The following FOXO1 variants were observed in gnomAD, a reference collection of about 807,000 sequenced individuals.
The protein encoded by FOXO1 is forkhead box O1, also known as forkhead box protein O1.
A neutral mutation model predicts 44.1 loss-of-function variants in FOXO1; 6 were observed. That is an observed-to-expected ratio of 0.14 (90% CI 0.07 to 0.27). FOXO1 has a LOEUF of 0.27. FOXO1 is among the 10% of genes least tolerant of loss of function. The probability of loss-of-function intolerance (pLI) is 1.00; values close to 1 mark genes in which losing one functional copy is unlikely to be tolerated. For missense variants in FOXO1, 737 were observed against 888.8 expected (o/e 0.83, Z 2.17); for synonymous variants, 380 against 362.7 (o/e 1.05, Z -0.54).
At chr13:40,578,890 A>C (rs1297008564) in intron 1 of FOXO1, among the ~76,000 whole-genome samples, 2 of 152,136 alleles carry the variant, frequency 1.3e-5, no homozygotes, top group African/African-American at 2.4e-5. Flanking sequence ...GCACATACAC[A>C]TTTCTTTGCC....
chr13:40,656,851 G>C (rs1425261897), intron 1 of FOXO1, among the ~76,000 whole-genome samples: 2 of 146,280 alleles, frequency 1.4e-5, no homozygotes, highest in Admixed American at 6.8e-5. Flanking sequence ...TTTTTTTTGA[G>C]ACCGAGTCTC....
intron 1 of FOXO1, among the ~76,000 whole-genome samples, chr13:40,663,282 A>G (rs1051190172): frequency 2.6e-5 from 4 of 152,272 alleles, no homozygotes; most frequent in Admixed American, 6.5e-5. Flanking sequence ...ATGGTTGTAA[A>G]GATGATTTAA....
intron 1 of FOXO1, among the ~76,000 whole-genome samples, chr13:40,651,269 T>C (rs920103943): frequency 6.6e-6 from 1 of 152,082 alleles, no homozygotes; most frequent in African/African-American, 2.4e-5. Flanking sequence ...TTATAAAAAG[T>C]ACGTTCTAGG....
intron 1 of FOXO1, among the ~76,000 whole-genome samples, chr13:40,630,523 C>T (rs1270406638): frequency 6.6e-6 from 1 of 151,900 alleles, no homozygotes; most frequent in East Asian, 1.9e-4. Flanking sequence ...GGTGCAGTGG[C>T]GCGCGCCTGT....
intron 1 of FOXO1, among the ~76,000 whole-genome samples, chr13:40,581,664 T>C (rs184829122): frequency 4.4e-4 from 67 of 152,332 alleles, no homozygotes; most frequent in Non-Finnish European, 7.6e-4. Context: ...ACCCACTTCT[T>C]GCATTTTTTT....
At chr13:40,576,246 G>GA (rs1227183735) in intron 1 of FOXO1, among the ~76,000 whole-genome samples, 1 of 152,116 alleles carries the variant, frequency 6.6e-6, no homozygotes, top group African/African-American at 2.4e-5. Context: ...GAGAGAGAGA[G>GA]GAGGTACGGT....
chr13:40,622,775 T>A (rs1172682876), intron 1 of FOXO1, among the ~76,000 whole-genome samples: 1 of 152,200 alleles, frequency 6.6e-6, no homozygotes, highest in Non-Finnish European at 1.5e-5. Flanking sequence ...TTATCATTAT[T>A]CCTCAGATTC....
chr13:40,654,498 C>T (rs113142813), intron 1 of FOXO1, among the ~76,000 whole-genome samples: 118 of 84,182 alleles, frequency 1.4e-3, no homozygotes, highest in African/African-American at 6.9e-3. Flanking sequence ...GAGACTCTGT[C>T]ACAAAAAAAA....
intron 1 of FOXO1, among the ~76,000 whole-genome samples, chr13:40,598,395 C>A (rs1008104766): frequency 6.6e-6 from 1 of 152,002 alleles, no homozygotes; most frequent in South Asian, 2.1e-4. Flanking sequence ...CCCTAAAATT[C>A]TGATTGAATT....
At chr13:40,632,945 G>T (rs1877017155) in intron 1 of FOXO1, among the ~76,000 whole-genome samples, 1 of 151,070 alleles carries the variant, frequency 6.6e-6, no homozygotes, top group South Asian at 2.1e-4. Context: ...AAAAAAAAGG[G>T]CGAAGGATCT....
In FOXO1 at chr13:40,560,348, G is replaced by A. The variant is rs1279033656; in HGVS notation, c.1143C>T (p.Leu381=). 6.2e-6 allele frequency: 10 copies of A among 1,614,176 alleles called. No individual in the cohort carries two copies. Among genetic ancestry groups the A allele is most frequent in the Non-Finnish European group, 7.6e-6 (9 of 1,180,040 alleles). The change falls in exon 2 of 3, where the codon CTC becomes CTT. Residue 381 remains leucine (L), a synonymous_variant. Coordinates refer to ENST00000379561, the MANE Select transcript of FOXO1 (RefSeq NM_002015.4). This position sits in a 1 kb window ranked among gnomAD's most constrained non-coding sequence, Gnocchi z 5.1. ...AAACAGTTAATGATGTTGGTGATGA[G>A]AGAAGGTTGAGATTATCCAAAAGAT... ...MENLLDNLNL[L]SSPTSLTVST... is the part of the protein sequence containing the mutation.
intron 1 of FOXO1, among the ~76,000 whole-genome samples, chr13:40,584,007 G>T (rs77899695): frequency 9.5e-4 from 144 of 152,234 alleles, no homozygotes; most frequent in African/African-American, 3.3e-3. Flanking sequence ...ACATGTAGAA[G>T]CCATTGTGGG....
chr13:40,636,496 C>T (rs1426326981), intron 1 of FOXO1, among the ~76,000 whole-genome samples: 2 of 151,436 alleles, frequency 1.3e-5, no homozygotes, highest in Admixed American at 6.6e-5. Context: ...ATAGCAAGAT[C>T]CCATTTCTAT....
chr13:40,622,882 T>C lies in FOXO1; in HGVS notation c.630+42701A>G, dbSNP rs188130910. Among the ~76,000 whole-genome samples, 6 of 152,310 alleles carry C rather than the reference T, an allele frequency of 3.9e-5. No homozygotes were observed. The East Asian group carries it at 5.8e-4, about 15-fold the overall frequency. On this transcript the variant is annotated intron_variant, in intron 1 of 2. Transcript: ENST00000379561. ...GTGGAAGAAGAAGAGTGTCCTGCTC[T>C]GTAAGTAAGAAACAACTCCAGACAA...
At chr13:40,563,462 C>T (rs572283486) in intron 1 of FOXO1, among the ~76,000 whole-genome samples, 5 of 152,266 alleles carry the variant, frequency 3.3e-5, no homozygotes, top group South Asian at 2.1e-4. Flanking sequence ...ACAGCAGCTA[C>T]GTGACAAGCC....
chr13:40,604,576 C>A (rs1875930201), intron 1 of FOXO1, among the ~76,000 whole-genome samples: 1 of 152,116 alleles, frequency 6.6e-6, no homozygotes, highest in Admixed American at 6.5e-5. Context: ...CAGACACATA[C>A]ACATAATCTA....
chr13:40,570,256 G>C (rs1874433249), intron 1 of FOXO1, among the ~76,000 whole-genome samples: 1 of 151,776 alleles, frequency 6.6e-6, no homozygotes, highest in African/African-American at 2.4e-5. Context: ...GTTGCAGTAA[G>C]CCAAGATCGC....
intron 1 of FOXO1, among the ~76,000 whole-genome samples, chr13:40,566,026 C>A (rs1343612462): frequency 6.6e-6 from 1 of 152,236 alleles, no homozygotes; most frequent in African/African-American, 2.4e-5. Context: ...GTGCCCTGGT[C>A]AGCCAATGTC....
At chr13:40,656,403 T>TA (rs1325988274) in intron 1 of FOXO1, among the ~76,000 whole-genome samples, 1 of 152,258 alleles carries the variant, frequency 6.6e-6, no homozygotes, top group Non-Finnish European at 1.5e-5. Context: ...AAGCAAGACT[T>TA]AATTTAATAG....
Sources: allele counts gnomAD v4.1 joint callset (sites outside exome capture counted in the v4.1 genomes callset), GRCh38; gene constraint gnomAD v4.1.1; non-coding constraint Gnocchi (gnomAD v3.1); transcripts MANE v1.5; gene names NCBI Gene and HGNC (gene_info 2026-07-23, HGNC 2026-07-21).